Variants in HSPA4L observed in about 807,000 individuals in gnomAD.
The protein encoded by HSPA4L is heat shock protein family A (Hsp70) member 4 like.
Under a neutral mutation model 100.3 loss-of-function variants are expected in HSPA4L, and 48 were observed. The ratio of observed to expected loss-of-function variants is 0.48; its 90% confidence interval spans 0.38 to 0.61. HSPA4L has a LOEUF of 0.61. Ranked by LOEUF, HSPA4L falls within the 20% of genes least tolerant of loss-of-function variation. HSPA4L has a pLI of 0.00. For synonymous variants in HSPA4L, 319 were observed against 328.2 expected, an observed-to-expected ratio of 0.97 and a Z score of 0.30; for missense variants, 886 against 988.6, an observed-to-expected ratio of 0.90 and a Z score of 1.39.
chr4:127,788,866 G>T (rs1159567897), intron 1 of HSPA4L, among the ~76,000 whole-genome samples: 1 of 152,182 alleles, frequency 6.6e-6, no homozygotes, highest in African/African-American at 2.4e-5. Context: ...ACACATCTTG[G>T]CAAGCATAGT....
chr4:127,790,667 TAG>T (rs1287760399), intron 1 of HSPA4L, among the ~76,000 whole-genome samples: 50 of 152,340 alleles, frequency 3.3e-4, no homozygotes, highest in African/African-American at 8.9e-4. Context: ...GTGTTCACAA[TAG>T]AGTTTGTGAC....
At chr4:127,782,068 A>G (rs1732567298), upstream of HSPA4L, 1 of 455,360 alleles carries the variant, frequency 2.2e-6, no homozygotes, top group Admixed American at 2.4e-5. Context: ...CAATGTGCCT[A>G]GCCTCCTTTC....
At chr4:127,805,540 T>C (rs1437052062) in intron 9 of HSPA4L, 147 bp from the exon 10 acceptor site, 8 of 580,790 alleles carry the variant, frequency 1.4e-5, no homozygotes, top group Non-Finnish European at 2.0e-5. Context: ...CAGGCCCTTT[T>C]AAATTTTCAC....
At chr4:127,814,840 C>G (rs1443363029) in intron 12 of HSPA4L, among the ~76,000 whole-genome samples, 1 of 152,158 alleles carries the variant, frequency 6.6e-6, no homozygotes, top group African/African-American at 2.4e-5. Context: ...GCTGGGATTA[C>G]AGGCGTGAGC....
chr4:127,811,055 CA>C (rs1048197747), intron 11 of HSPA4L, among the ~76,000 whole-genome samples: 3 of 151,508 alleles, frequency 2.0e-5, no homozygotes, highest in Non-Finnish European at 4.4e-5. Flanking sequence ...AAGCTTATAT[CA>C]AAAAAAATCT....
chr4:127,822,195 C>A (rs936612612), intron 14 of HSPA4L, among the ~76,000 whole-genome samples: 1 of 152,136 alleles, frequency 6.6e-6, no homozygotes, highest in Admixed American at 6.5e-5. Flanking sequence ...TCTCCCAGTT[C>A]CCTACTTTCT....
intron 12 of HSPA4L, chr4:127,812,658 G>GT: frequency 1.5e-6 from 1 of 659,594 alleles, no homozygotes; most frequent in Non-Finnish European, 2.6e-6. Flanking sequence ...GTTTGTTTTT[G>GT]TTTTGTTTTG....
intron 14 of HSPA4L, among the ~76,000 whole-genome samples, chr4:127,822,012 C>T (rs747787257): frequency 1.3e-4 from 20 of 152,144 alleles, no homozygotes; most frequent in Non-Finnish European, 2.6e-4. Context: ...CAGTGGTTTT[C>T]GGTATACTAC....
Position 127,798,014 on chromosome 4 carries a change from A to G in HSPA4L, c.307-573A>G, listed in dbSNP as rs547270225. 1.3e-4 allele frequency among the ~76,000 whole-genome samples: 20 copies of G among 152,248 alleles called. No individual in the cohort carries two copies. In the South Asian group the frequency reaches 3.1e-3, roughly 24 times the overall value. On this transcript the variant is annotated intron_variant, in intron 3 of 18. Transcript: ENST00000296464. ...GGTTTAAAGGCAGTAATTTGGCATA[A>G]TACTTGTTTTTGAATTTACTTGTAA... is the stretch of plus-strand genomic sequence containing the variant.
At chr4:127,820,327 TATAAC>T in intron 13 of HSPA4L, 96 bp from the exon 14 acceptor site, 1 of 972,276 alleles carries the variant, frequency 1.0e-6, no homozygotes. Context: ...TTAAAATAAA[TATAAC>T]AGATCATAAT....
At chr4:127,816,947 G>A (rs1733684317) in intron 12 of HSPA4L, among the ~76,000 whole-genome samples, 1 of 152,060 alleles carries the variant, frequency 6.6e-6, no homozygotes, top group Admixed American at 6.6e-5. Context: ...TTTTTTCTGA[G>A]TAATACAAAA....
At chr4:127,792,953 A>G (rs1732916734) in intron 1 of HSPA4L, among the ~76,000 whole-genome samples, 1 of 152,186 alleles carries the variant, frequency 6.6e-6, no homozygotes, top group Admixed American at 6.5e-5. Flanking sequence ...TGCTTGGCAT[A>G]TTCTAGAAAT....
chr4:127,812,886 G>A lies in HSPA4L; in HGVS notation c.1578+1250G>A. The A allele has an allele frequency of 2.1e-5, 19 of 917,066 alleles. No homozygotes were observed. In the South Asian group the frequency reaches 2.5e-4, roughly 12 times the overall value. 56.8% of individuals were successfully genotyped at this position (917,066 alleles called of 1,614,324 possible). ...GATCATTTTCCTTCACACGTTTCAG[G>A]AAGCTATCTCGGCTCTTAGAGTGCT... On this transcript the variant is annotated intron_variant, in intron 12 of 18. Coordinates refer to ENST00000296464, the MANE Select transcript of HSPA4L (RefSeq NM_014278.4).
At chr4:127,805,283 C>G in intron 9 of HSPA4L, 59 bp downstream of exon 9, 1 of 1,326,978 alleles carries the variant, frequency 7.5e-7, no homozygotes, top group Non-Finnish European at 1.0e-6. Context: ...GTGATAGATC[C>G]AAAGGGGCCT....
rs764790729 is a variant in HSPA4L at position 127,798,752 on chromosome 4, A to G, written c.429+43A>G. The G allele has an allele frequency of 6.3e-6, 10 of 1,579,254 alleles. No homozygotes were observed. The East Asian group carries it at 1.8e-4, about 28-fold the overall frequency. On this transcript the variant is annotated intron_variant, in intron 4 of 18. Transcript: ENST00000296464. ...AATGAATACCCTTGAATTATATTTT[A>G]CAGTGTATTAATGTAATATTGAAAG...
intron 1 of HSPA4L, among the ~76,000 whole-genome samples, chr4:127,793,429 T>C (rs1732931632): frequency 6.6e-6 from 1 of 152,194 alleles, no homozygotes; most frequent in Non-Finnish European, 1.5e-5. Context: ...TTTTCTGTAG[T>C]TATAACTGAA....
intron 12 of HSPA4L, among the ~76,000 whole-genome samples, chr4:127,813,855 G>A (rs1219279717): frequency 1.3e-5 from 2 of 151,948 alleles, no homozygotes; most frequent in South Asian, 4.2e-4. Flanking sequence ...TGTGTTAGCC[G>A]GGATGGTCTT....
At chr4:127,826,641 A>T (rs1238590394) in intron 16 of HSPA4L, among the ~76,000 whole-genome samples, 1 of 152,188 alleles carries the variant, frequency 6.6e-6, no homozygotes, top group Non-Finnish European at 1.5e-5. Flanking sequence ...CTCTCTGTAT[A>T]ATTTCCTTTT....
intron 10 of HSPA4L, 30 bp from the exon 11 acceptor site, chr4:127,807,966 T>C (rs767781627): frequency 1.3e-6 from 2 of 1,597,316 alleles, no homozygotes; most frequent in African/African-American, 1.4e-5. Context: ...TTCTATTTGT[T>C]TCTAAGTGAG....
Sources: gnomAD v4.1 joint callset for allele counts (sites outside exome capture counted in the v4.1 genomes callset) on GRCh38, gnomAD v4.1.1 for gene constraint, MANE v1.5 for transcripts, NCBI Gene and HGNC (gene_info 2026-07-23, HGNC 2026-07-21) for gene names.